Variants in TSC22D1 observed in about 807,000 individuals in gnomAD.
The protein encoded by TSC22D1 is TSC22 domain family member 1.
Under a neutral mutation model 74.2 loss-of-function variants are expected in TSC22D1, and 9 were observed. The observed-to-expected ratio is 0.12, with a 90% CI of 0.07 to 0.21. TSC22D1 has a LOEUF of 0.21. Ranked by LOEUF, TSC22D1 falls within the 10% of genes least tolerant of loss-of-function variation. The probability of loss-of-function intolerance (pLI) is 1.00; values close to 1 mark genes in which losing one functional copy is unlikely to be tolerated. For missense variants in TSC22D1, 1,427 were observed against 1,304.7 expected, an observed-to-expected ratio of 1.09 and a Z score of -1.44; for synonymous variants, 586 against 492.5, an observed-to-expected ratio of 1.19 and a Z score of -2.51.
intron 1 of TSC22D1, among the ~76,000 whole-genome samples, chr13:44,492,348 A>G (rs1290781363): frequency 6.6e-6 from 1 of 152,204 alleles, no homozygotes; most frequent in Non-Finnish European, 1.5e-5. Flanking sequence ...ACTCAAAGTG[A>G]AAAAACAGAA....
chr13:44,574,264 T>C lies in TSC22D1; in HGVS notation c.1811A>G (p.Gln604Arg). 1 of 1,614,178 alleles carries C rather than the reference T, an allele frequency of 6.2e-7. No individual in the cohort carries two copies. The highest frequency in any genetic ancestry group is 1.7e-5 in the Admixed American group (1 of 60,024). ...QPSISSLAQP[Q>R]LPYSQAAPPV... ...AGGAGCCGCCTGAGAATATGGTAGC[T>C]GGGGTTGAGCCAAACTGGAAATGGA... The change falls in exon 1 of 3, where the codon CAG becomes CGG. Residue 604 changes from glutamine to arginine, a missense_variant. Coordinates refer to ENST00000458659, the MANE Select transcript of TSC22D1 (RefSeq NM_183422.4).
At chr13:44,538,116 T>A (rs1182586587) in intron 1 of TSC22D1, 1 of 985,228 alleles carries the variant, frequency 1.0e-6, no homozygotes. Flanking sequence ...CTTATTCTAA[T>A]ACTAAGTGCT....
intron 1 of TSC22D1, among the ~76,000 whole-genome samples, chr13:44,571,243 T>C (rs999707190): frequency 2.6e-5 from 4 of 152,254 alleles, no homozygotes; most frequent in African/African-American, 9.6e-5. Context: ...TTTCTCAGTA[T>C]GTCTTTTTGT....
chr13:44,537,650 T>G (rs1881233056), intron 1 of TSC22D1: 1 of 984,546 alleles, frequency 1.0e-6, no homozygotes, highest in South Asian at 4.7e-5. Context: ...TAACATTTAC[T>G]AAAAACAAGT....
chr13:44,488,596 CATT>C, intron 1 of TSC22D1, among the ~76,000 whole-genome samples: 1 of 152,010 alleles, frequency 6.6e-6, no homozygotes, highest in South Asian at 2.1e-4. Context: ...ACAAAGCTGT[CATT>C]ATTCTCAGAT....
At position 44,573,984 on chromosome 13, in the gene TSC22D1, C is replaced by T; in HGVS notation, c.2091G>A (p.Gln697=). 6.2e-7 allele frequency: 1 copy of T among 1,614,048 alleles called. No homozygotes were observed. Among genetic ancestry groups the T allele is most frequent in the Non-Finnish European group, 8.5e-7 (1 of 1,180,032 alleles). ...AQPQGIQLPV[Q]PTAVPAQPAG... Reference sequence around the variant, plus strand: ...CAGGTTGTGCTGGGACTGCTGTGGGCTGCACTGGCAGCTGGATACCCTGTG... The same window carrying T: ...CAGGTTGTGCTGGGACTGCTGTGGGTTGCACTGGCAGCTGGATACCCTGTG... Residue 697 remains glutamine (Q), a synonymous_variant, in exon 1 of 3, where the codon CAG becomes CAA. Coordinates refer to ENST00000458659, the MANE Select transcript of TSC22D1 (RefSeq NM_183422.4).
intron 1 of TSC22D1, among the ~76,000 whole-genome samples, chr13:44,533,066 A>C (rs1480813108): frequency 6.6e-6 from 1 of 152,124 alleles, no homozygotes; most frequent in Non-Finnish European, 1.5e-5. Flanking sequence ...TTGGATACCA[A>C]TTATCTTGCA....
At chr13:44,492,526 A>G (rs1878775503) in intron 1 of TSC22D1, among the ~76,000 whole-genome samples, 1 of 152,200 alleles carries the variant, frequency 6.6e-6, no homozygotes, top group African/African-American at 2.4e-5. Flanking sequence ...GACTCTGTAC[A>G]GGATTCCATA....
At chr13:44,518,754 T>C (rs924015395) in intron 1 of TSC22D1, among the ~76,000 whole-genome samples, 9 of 152,306 alleles carry the variant, frequency 5.9e-5, no homozygotes, top group Admixed American at 5.9e-4. Flanking sequence ...CTGACACTGG[T>C]ACACTTACTT....
chr13:44,450,775 A>G (rs1042066609), intron 1 of TSC22D1, among the ~76,000 whole-genome samples: 1 of 152,212 alleles, frequency 6.6e-6, no homozygotes, highest in African/African-American at 2.4e-5. Context: ...TTTGGAACTC[A>G]GGTGGGGTTG....
intron 1 of TSC22D1, among the ~76,000 whole-genome samples, chr13:44,477,634 A>C (rs1161793475): frequency 6.9e-6 from 1 of 144,688 alleles, no homozygotes; most frequent in Non-Finnish European, 1.5e-5. Flanking sequence ...AAATGTGCTC[A>C]TAGATTTTTT....
At chr13:44,546,173 A>G (rs1881814197) in intron 1 of TSC22D1, among the ~76,000 whole-genome samples, 1 of 152,190 alleles carries the variant, frequency 6.6e-6, no homozygotes, top group African/African-American at 2.4e-5. Flanking sequence ...ATTAAATGTA[A>G]AAGATTCTGA....
intron 1 of TSC22D1, among the ~76,000 whole-genome samples, chr13:44,495,027 A>T (rs1878901950): frequency 6.6e-6 from 1 of 152,196 alleles, no homozygotes; most frequent in Admixed American, 6.5e-5. Flanking sequence ...AGAAAGAAAC[A>T]GTGAAACTGA....
intron 1 of TSC22D1, among the ~76,000 whole-genome samples, chr13:44,494,752 G>C (rs1168254850): frequency 1.3e-5 from 2 of 152,084 alleles, no homozygotes; most frequent in African/African-American, 2.4e-5. Context: ...CATCATGGAA[G>C]AAATTAACAG....
intron 1 of TSC22D1, among the ~76,000 whole-genome samples, chr13:44,439,761 T>A (rs1008976244): frequency 5.9e-5 from 9 of 152,222 alleles, no homozygotes; most frequent in African/African-American, 2.2e-4. Context: ...TTACACAGAT[T>A]CCAATTCAAC....
chr13:44,474,779 A>AG (rs1307117836), intron 1 of TSC22D1, among the ~76,000 whole-genome samples: 1 of 151,986 alleles, frequency 6.6e-6, no homozygotes, highest in Non-Finnish European at 1.5e-5. Flanking sequence ...AAAAGGAGGG[A>AG]GGGAGAGGAA....
intron 1 of TSC22D1, among the ~76,000 whole-genome samples, chr13:44,516,075 G>A (rs963265869): frequency 6.6e-6 from 1 of 152,018 alleles, no homozygotes; most frequent in Admixed American, 6.6e-5. Context: ...ATAGAAAGTG[G>A]GGTTGATTTT....
intron 1 of TSC22D1, among the ~76,000 whole-genome samples, chr13:44,469,190 A>G (rs768095922): frequency 2.0e-5 from 3 of 152,100 alleles, no homozygotes; most frequent in Non-Finnish European, 4.4e-5. Context: ...TAAGCCCCCA[A>G]TCTTTATAAC....
intron 1 of TSC22D1, chr13:44,536,703 A>G (rs1881145506): frequency 1.0e-6 from 1 of 976,594 alleles, no homozygotes; most frequent in South Asian, 4.7e-5. Flanking sequence ...AGACTTGGTC[A>G]AATTACTCTT....
Sources: gnomAD v4.1 joint callset for allele counts (sites outside exome capture counted in the v4.1 genomes callset) on GRCh38, gnomAD v4.1.1 for gene constraint, MANE v1.5 for transcripts, NCBI Gene and HGNC (gene_info 2026-07-23, HGNC 2026-07-21) for gene names.